The following CLIP4 variants were observed in gnomAD, a reference collection of about 807,000 sequenced individuals.
The protein encoded by CLIP4 is CAP-Gly domain-containing linker protein 4.
CLIP4 carries 47 observed loss-of-function variants against 73.1 expected under a neutral mutation model. The observed-to-expected ratio is 0.64, with a 90% CI of 0.51 to 0.82. The LOEUF (loss-of-function observed/expected upper bound fraction) is 0.82, where lower values mean the gene tolerates loss of function less well. Ranked by LOEUF, CLIP4 falls within the 40% of genes least tolerant of loss-of-function variation. CLIP4 has a pLI of 0.00. For missense variants in CLIP4, 874 were observed against 852.9 expected (o/e 1.02, Z -0.31); for synonymous variants, 306 against 295.4 (o/e 1.04, Z -0.37).
chr2:29,160,658 A>G (rs939044022), intron 12 of CLIP4, among the ~76,000 whole-genome samples, 191 bp downstream of exon 12: 1 of 152,046 alleles, frequency 6.6e-6, no homozygotes, highest in Non-Finnish European at 1.5e-5. Context: ...TTACCCATAC[A>G]TTTTTTTCTT....
intron 6 of CLIP4, among the ~76,000 whole-genome samples, chr2:29,136,772 A>G (rs912828500): frequency 6.6e-6 from 1 of 152,088 alleles, no homozygotes; most frequent in African/African-American, 2.4e-5. Flanking sequence ...ATGATCATTC[A>G]GTCCAGCTGG....
intron 1 of CLIP4, among the ~76,000 whole-genome samples, chr2:29,100,588 G>GA (rs941218921): frequency 2.6e-5 from 4 of 151,730 alleles, no homozygotes; most frequent in Admixed American, 2.0e-4. Flanking sequence ...GAGAAGGCAG[G>GA]AAAAAAATGC....
chr2:29,165,299 G>A (rs1320081423), intron 13 of CLIP4, among the ~76,000 whole-genome samples: 1 of 151,904 alleles, frequency 6.6e-6, no homozygotes, highest in Non-Finnish European at 1.5e-5. Context: ...TGAAGAAAAG[G>A]AAGCAGTAAC....
At chr2:29,161,686 C>T (rs1667301856) in intron 12 of CLIP4, among the ~76,000 whole-genome samples, 1 of 152,180 alleles carries the variant, frequency 6.6e-6, no homozygotes, top group Non-Finnish European at 1.5e-5. Flanking sequence ...CAGGTGTCAC[C>T]TGCACAGCCA....
At chr2:29,167,746 A>G in intron 14 of CLIP4, 1 of 410,190 alleles carries the variant, frequency 2.4e-6, no homozygotes, top group Non-Finnish European at 4.3e-6. Context: ...ACCCCATCCC[A>G]TCTCATCTGC....
chr2:29,140,541 T>C (rs565200636), intron 6 of CLIP4, among the ~76,000 whole-genome samples: 181 of 152,284 alleles, frequency 1.2e-3, no homozygotes, highest in African/African-American at 4.1e-3. Context: ...AATAAACATA[T>C]GTGTGCATGT....
In CLIP4 at chr2:29,129,229, G is replaced by A. The variant is rs116674343; in HGVS notation, c.134-2029G>A. Among the ~76,000 whole-genome samples the A allele has an allele frequency of 7.9e-3, 1,199 of 152,182 alleles. 15 individuals are homozygous for A. Among genetic ancestry groups the A allele is most frequent in the African/African-American group, 0.028 (1,145 of 41,538 alleles). ...GACCTACATAGAATCAAAGTTGTAC[G>A]TCTGCCTTATGTCTAATGCTGACAA... On this transcript the variant is annotated intron_variant, in intron 2 of 15. Coordinates refer to ENST00000320081, the MANE Select transcript of CLIP4 (RefSeq NM_024692.6).
intron 3 of CLIP4, chr2:29,131,884 C>A: frequency 2.4e-6 from 1 of 410,620 alleles, no homozygotes; most frequent in Non-Finnish European, 4.3e-6. Context: ...AAATTTTGCT[C>A]ATTTTTGAGA....
intron 1 of CLIP4, among the ~76,000 whole-genome samples, chr2:29,101,946 G>A (rs1668062701): frequency 6.6e-6 from 1 of 152,208 alleles, no homozygotes; most frequent in Non-Finnish European, 1.5e-5. Flanking sequence ...TTTGCCACAA[G>A]GGTAGAATTT....
chr2:29,138,805 T>G (rs1665556588), intron 6 of CLIP4, among the ~76,000 whole-genome samples: 1 of 152,122 alleles, frequency 6.6e-6, no homozygotes, highest in African/African-American at 2.4e-5. Flanking sequence ...AGCCTGAGTG[T>G]TATTGGTGTA....
intron 1 of CLIP4, among the ~76,000 whole-genome samples, chr2:29,100,424 C>A (rs1353695621): frequency 6.6e-6 from 1 of 151,426 alleles, no homozygotes; most frequent in Non-Finnish European, 1.5e-5. Flanking sequence ...CCCTATGTGC[C>A]CCCCAACAGT....
chr2:29,160,545 T>A, intron 12 of CLIP4, 78 bp downstream of exon 12: 1 of 1,500,958 alleles, frequency 6.7e-7, no homozygotes, highest in Non-Finnish European at 9.1e-7. Flanking sequence ...AAATAGAATT[T>A]AATTGTAGAG....
chr2:29,160,581 A>G, intron 12 of CLIP4, 114 bp downstream of exon 12: 1 of 1,174,956 alleles, frequency 8.5e-7, no homozygotes, highest in Non-Finnish European at 1.2e-6. Context: ...GTTTTTGTGG[A>G]TGGCAGCTAT....
At chr2:29,173,981 T>A (rs185756796) in intron 14 of CLIP4, among the ~76,000 whole-genome samples, 441 of 152,346 alleles carry the variant, frequency 2.9e-3, no homozygotes, top group Non-Finnish European at 3.5e-3. Flanking sequence ...AGAAATCTTA[T>A]AATGAAATTC....
At chr2:29,167,346 C>G in intron 13 of CLIP4, 130 bp from the exon 14 acceptor site, 1 of 492,440 alleles carries the variant, frequency 2.0e-6, no homozygotes, top group Non-Finnish European at 3.6e-6. Context: ...TCATTCCTGG[C>G]TTAAAATGGA....
intron 2 of CLIP4, 132 bp downstream of exon 2, chr2:29,121,653 C>G (rs981823236): frequency 1.0e-6 from 1 of 1,003,974 alleles, no homozygotes; most frequent in African/African-American, 1.7e-5. Context: ...TTTCCTTTTT[C>G]AAAAATACAA....
intron 15 of CLIP4, among the ~76,000 whole-genome samples, chr2:29,179,404 T>G (rs2148121213): frequency 6.6e-6 from 1 of 152,354 alleles, no homozygotes; most frequent in Admixed American, 6.5e-5. Flanking sequence ...TCATTATTTT[T>G]CAGCCTTTTC....
chr2:29,135,502 C>T (rs1665287709), intron 5 of CLIP4, 46 bp from the exon 6 acceptor site: 5 of 1,382,218 alleles, frequency 3.6e-6, no homozygotes, highest in Non-Finnish European at 5.0e-6. Context: ...ATTATGATAG[C>T]TAAGTTTAAA....
intron 2 of CLIP4, chr2:29,130,005 T>C (rs1014130950): frequency 6.4e-6 from 3 of 470,972 alleles, no homozygotes; most frequent in African/African-American, 6.0e-5. Flanking sequence ...GAATCATGTG[T>C]TTCACCCTTC....
Sources: allele counts gnomAD v4.1 joint callset (sites outside exome capture counted in the v4.1 genomes callset), GRCh38; gene constraint gnomAD v4.1.1; transcripts MANE v1.5; gene names NCBI Gene and HGNC (gene_info 2026-07-23, HGNC 2026-07-21).